LOC400499: variants seen among roughly 807,000 people sequenced by gnomAD.
the LOC400499 span, chr16:11,384,354 C>T: frequency 8.5e-7 from 1 of 1,181,808 alleles, no homozygotes; most frequent in Non-Finnish European, 1.1e-6. Context: ...CGGAGGCCGG[C>T]CGTAAGACCC....
At chr16:11,411,557 G>T in the LOC400499 span, among the ~76,000 whole-genome samples, 7 of 152,178 alleles carry the variant, frequency 4.6e-5, no homozygotes, top group Admixed American at 2.6e-4. Flanking sequence ...GTCCTGGCTT[G>T]GCCTCTGCCT....
At chr16:11,486,313 G>C in the LOC400499 span, among the ~76,000 whole-genome samples, 5 of 135,834 alleles carry the variant, frequency 3.7e-5, no homozygotes, top group Admixed American at 7.2e-5. Context: ...TACATGGGTA[G>C]ACAGATGATG....
At chr16:11,419,189 CA>C in the LOC400499 span, among the ~76,000 whole-genome samples, 6 of 130,350 alleles carry the variant, frequency 4.6e-5, no homozygotes, top group East Asian at 2.2e-4. Flanking sequence ...ACAACAACAA[CA>C]AAAAAAATAT....
At chr16:11,490,351 G>C in the LOC400499 span, among the ~76,000 whole-genome samples, 1 of 146,174 alleles carries the variant, frequency 6.8e-6, no homozygotes, top group Non-Finnish European at 1.5e-5. Context: ...AGCCACAACT[G>C]TGCCATTGCA....
the LOC400499 span, among the ~76,000 whole-genome samples, chr16:11,455,593 G>C: frequency 0.024 from 3,643 of 151,980 alleles, 152 homozygotes; most frequent in African/African-American, 0.084. Context: ...AAATTTGCCA[G>C]GTGTGGTGGC....
chr16:11,504,511 G>A, the LOC400499 span, among the ~76,000 whole-genome samples: 5 of 151,896 alleles, frequency 3.3e-5, no homozygotes, highest in African/African-American at 9.7e-5. Context: ...CCGAGATTAC[G>A]CCACTGCACT....
the LOC400499 span, chr16:11,494,677 G>A: frequency 1.3e-4 from 53 of 399,546 alleles, no homozygotes; most frequent in African/African-American, 8.6e-4. Context: ...CGCAGGGCCC[G>A]TCCAGAGAAG....
At chr16:11,500,913 A>G in the LOC400499 span, 1 of 399,138 alleles carries the variant, frequency 2.5e-6, no homozygotes, top group East Asian at 3.6e-5. Flanking sequence ...GAGTTCCTTC[A>G]TGAGGCCCAC....
At chr16:11,513,406 C>CA in the LOC400499 span, among the ~76,000 whole-genome samples, 2,343 of 126,850 alleles carry the variant, frequency 0.018, 76 homozygotes, top group African/African-American at 0.065. Context: ...ACTGTGTCTC[C>CA]AAAAAAAAAA....
the LOC400499 span, among the ~76,000 whole-genome samples, chr16:11,444,953 G>A: frequency 1.8e-4 from 28 of 152,248 alleles, no homozygotes; most frequent in African/African-American, 6.7e-4. Flanking sequence ...AGGTGTGGTG[G>A]TAATGTGTGC....
the LOC400499 span, among the ~76,000 whole-genome samples, chr16:11,401,874 G>T: frequency 6.6e-6 from 1 of 152,148 alleles, no homozygotes; most frequent in Non-Finnish European, 1.5e-5. Flanking sequence ...CAGGTCTCCT[G>T]CTGCCCCCCC....
At chr16:11,481,556 C>A in the LOC400499 span, among the ~76,000 whole-genome samples, 16 of 152,338 alleles carry the variant, frequency 1.1e-4, 1 homozygote, top group South Asian at 2.9e-3. Context: ...CTCCTCATCT[C>A]AGGCAATCTG....
At chr16:11,395,592 G>A in the LOC400499 span, among the ~76,000 whole-genome samples, 3,264 of 152,312 alleles carry the variant, frequency 0.021, 120 homozygotes, top group African/African-American at 0.075. Context: ...CATTCAGCTC[G>A]GATGCCGGGA....
the LOC400499 span, among the ~76,000 whole-genome samples, chr16:11,494,360 G>A: frequency 1.4e-5 from 2 of 147,038 alleles, no homozygotes; most frequent in African/African-American, 2.5e-5. Flanking sequence ...GGGGGCAGTG[G>A]TGTGGGGGGG....
At chr16:11,525,299 A>ACCCCCCC in the LOC400499 span, among the ~76,000 whole-genome samples, 10 of 151,858 alleles carry the variant, frequency 6.6e-5, no homozygotes, top group African/African-American at 2.4e-4. Flanking sequence ...TCCCAAAAAA[A>ACCCCCCC]AAAAAAAAAG....
chr16:11,417,581 G>A, the LOC400499 span: 1 of 398,136 alleles, frequency 2.5e-6, no homozygotes, highest in East Asian at 3.6e-5. Flanking sequence ...TCTGGCCCAG[G>A]CATGGAGGAA....
the LOC400499 span, among the ~76,000 whole-genome samples, chr16:11,489,563 G>A: frequency 1.3e-5 from 2 of 152,150 alleles, no homozygotes. Context: ...CAGGCTCTTA[G>A]AAGGTCCAGT....
At chr16:11,464,684 G>T in the LOC400499 span, among the ~76,000 whole-genome samples, 2 of 152,196 alleles carry the variant, frequency 1.3e-5, no homozygotes, top group African/African-American at 4.8e-5. Flanking sequence ...CCTGTCTGCT[G>T]AAACAGGCTC....
At chr16:11,389,827 C>T in the LOC400499 span, among the ~76,000 whole-genome samples, 1 of 151,816 alleles carries the variant, frequency 6.6e-6, no homozygotes, top group Non-Finnish European at 1.5e-5. Context: ...CCTTGTGCTT[C>T]GTGTCTGAGT....
Sources: gnomAD v4.1 joint callset for allele counts (sites outside exome capture counted in the v4.1 genomes callset) on GRCh38, gnomAD v4.1.1 for gene constraint, MANE v1.5 for transcripts.